Variants in INTS4 observed in about 807,000 individuals in gnomAD.
INTS4 encodes MSTP093.
Under a neutral mutation model 119.5 loss-of-function variants are expected in INTS4, and 70 were observed. That is an observed-to-expected ratio of 0.59 (90% CI 0.48 to 0.71). The LOEUF (loss-of-function observed/expected upper bound fraction) is 0.71, where lower values mean the gene tolerates loss of function less well. Ranked by LOEUF, INTS4 falls within the 30% of genes least tolerant of loss-of-function variation. INTS4 has a pLI of 0.00. For synonymous variants in INTS4, 316 were observed against 419.6 expected (o/e 0.75, Z 3.02); for missense variants, 867 against 1,173.2 (o/e 0.74, Z 3.81).
At chr11:77,989,570 G>GT (rs1194404072) in intron 2 of INTS4, among the ~76,000 whole-genome samples, 1 of 152,114 alleles carries the variant, frequency 6.6e-6, no homozygotes, top group Non-Finnish European at 1.5e-5. Flanking sequence ...GGTCACTATA[G>GT]TATTTTATCT....
Position 77,991,162 on chromosome 11 carries a change from G to T in INTS4, c.192C>A (p.Val64=), listed in dbSNP as rs761790544. The T allele has an allele frequency of 1.9e-6, 3 of 1,613,980 alleles. No homozygotes were observed. The highest frequency in any genetic ancestry group is 2.5e-6 in the Non-Finnish European group (3 of 1,180,030). The change falls in exon 2 of 23, where the codon GTC becomes GTA. Residue 64 remains valine, a synonymous_variant. Transcript: ENST00000534064. ...QYLLQFARKP[V]EAESVEGVVR... is the part of the protein sequence containing the mutation. ...CTACTCCCTCTACGCTTTCCGCCTC[G>T]ACAGGCTTCCTGGCAAACTGGAGCA...
At position 77,949,716 on chromosome 11, in the gene INTS4, A is replaced by G. The variant is rs184332008; in HGVS notation, c.918+6226T>C. Among the ~76,000 whole-genome samples, 562 of 152,324 alleles carry G rather than the reference A, an allele frequency of 3.7e-3. 3 individuals carry two copies. Among genetic ancestry groups the G allele is most frequent in the African/African-American group, 0.013 (533 of 41,566 alleles). ...GGCAATCATTAAAAAGTCAGAAAAC[A>G]ACAGGTGCTGGAGAGGATGTGGAGA... is the stretch of plus-strand genomic sequence containing the variant. On this transcript the variant is annotated intron_variant, in intron 8 of 22. Transcript: ENST00000534064.
chr11:77,928,894 G>A (rs1006088416), intron 10 of INTS4, among the ~76,000 whole-genome samples: 5 of 151,698 alleles, frequency 3.3e-5, no homozygotes, highest in African/African-American at 4.8e-5. Context: ...GGTGGCACAC[G>A]CCTATAGTCC....
chr11:77,973,348 G>A (rs1173572809), intron 4 of INTS4, among the ~76,000 whole-genome samples: 1 of 152,140 alleles, frequency 6.6e-6, no homozygotes, highest in South Asian at 2.1e-4. Context: ...TGTCACCTGT[G>A]AATACGGGGA....
chr11:77,947,319 T>A (rs1340966400), intron 8 of INTS4, among the ~76,000 whole-genome samples: 6 of 152,122 alleles, frequency 3.9e-5, no homozygotes, highest in African/African-American at 1.4e-4. Context: ...AGGTTCACAA[T>A]TACATTCAAC....
Position 77,981,574 on chromosome 11 carries a change from C to G in INTS4, c.249G>C (p.Glu83Asp). The G allele has an allele frequency of 6.6e-7, 1 of 1,526,460 alleles. No homozygotes were observed. The highest frequency in any genetic ancestry group is 8.9e-7 in the Non-Finnish European group (1 of 1,123,736). The allele number at this position is 1,526,460 out of a possible 1,614,324, so 94.6% of individuals were successfully genotyped here. ...VRILLEHYYK[E>D]NDPSVRLKIA... Reference sequence around the variant, plus strand: ...TTTTCAGTCTCACAGATGGATCATTCTCCTGGAAAAAAAGAAGCAATTGTC... The same window carrying G: ...TTTTCAGTCTCACAGATGGATCATTGTCCTGGAAAAAAAGAAGCAATTGTC... Residue 83 changes from glutamate to aspartate, a missense_variant and splice_region_variant, in exon 3 of 23, where the codon GAG becomes GAC. Around this residue, in one of 5 missense-constraint regions of INTS4, gnomAD observed 224 missense variants for 231.8 expected, o/e 0.97. Coordinates refer to ENST00000534064, the MANE Select transcript of INTS4 (RefSeq NM_033547.4).
intron 22 of INTS4, among the ~76,000 whole-genome samples, chr11:77,881,394 A>C (rs1951785965): frequency 6.6e-6 from 1 of 152,182 alleles, no homozygotes; most frequent in African/African-American, 2.4e-5. Context: ...TCCAGGCCCC[A>C]TCACCTAGAT....
chr11:77,882,495 GC>G (rs1951832296), intron 22 of INTS4, among the ~76,000 whole-genome samples: 3 of 152,174 alleles, frequency 2.0e-5, no homozygotes, highest in African/African-American at 7.2e-5. Flanking sequence ...CTGTCCCACA[GC>G]ATTTCCTTCC....
intron 18 of INTS4, among the ~76,000 whole-genome samples, chr11:77,896,156 G>T (rs532017800): frequency 6.6e-6 from 1 of 152,164 alleles, no homozygotes; most frequent in Non-Finnish European, 1.5e-5. Flanking sequence ...GATTTAAAAG[G>T]ATATTACATT....
intron 2 of INTS4, among the ~76,000 whole-genome samples, chr11:77,985,077 A>C (rs1289667316): frequency 6.6e-6 from 1 of 152,050 alleles, no homozygotes; most frequent in Non-Finnish European, 1.5e-5. Context: ...AAACAGAATT[A>C]CCTCCAGGGA....
At chr11:77,900,248 T>C (rs531205441) in intron 18 of INTS4, among the ~76,000 whole-genome samples, 39 of 152,130 alleles carry the variant, frequency 2.6e-4, no homozygotes, top group East Asian at 2.3e-3. Context: ...TACTGGTGCA[T>C]GCCACCATGC....
At chr11:77,927,895 T>A (rs1324504260) in intron 11 of INTS4, among the ~76,000 whole-genome samples, 1 of 152,216 alleles carries the variant, frequency 6.6e-6, no homozygotes, top group Non-Finnish European at 1.5e-5. Context: ...TATCTCTGCA[T>A]CTTTAGACAT....
At chr11:77,981,602 T>C in intron 2 of INTS4, 26 bp from the exon 3 acceptor site, 2 of 1,263,240 alleles carry the variant, frequency 1.6e-6, no homozygotes, top group Non-Finnish European at 2.3e-6. Flanking sequence ...CAATTGTCAC[T>C]TTGATGCTTT....
downstream of INTS4, chr11:77,878,642 A>G: frequency 1.6e-6 from 1 of 625,068 alleles, no homozygotes; most frequent in South Asian, 1.9e-5. Flanking sequence ...ACACCTGAGG[A>G]ATAGCATGTA....
At chr11:77,903,958 C>CTACTGG (rs1952860942) in intron 16 of INTS4, among the ~76,000 whole-genome samples, 1 of 152,206 alleles carries the variant, frequency 6.6e-6, no homozygotes, top group Non-Finnish European at 1.5e-5. Flanking sequence ...GTTCCCAGAG[C>CTACTGG]TACTGGACTA....
At chr11:77,954,119 A>G (rs998104618) in intron 8 of INTS4, among the ~76,000 whole-genome samples, 2 of 152,186 alleles carry the variant, frequency 1.3e-5, no homozygotes, top group Non-Finnish European at 2.9e-5. Context: ...AAAATTTTCA[A>G]TAAATGTGCT....
At chr11:77,882,796 C>T (rs748747462) in intron 22 of INTS4, among the ~76,000 whole-genome samples, 30 of 152,290 alleles carry the variant, frequency 2.0e-4, no homozygotes, top group Non-Finnish European at 3.2e-4. Context: ...AAAGGCCCAG[C>T]GCAGTGGCTC....
chr11:77,878,814 G>C lies in INTS4; in HGVS notation c.*135C>G. ...TGAAGAAACAATTTATCCTGTGTTT[G>C]ATACCAGATGAGACTGTAAGGGTCA... On this transcript the variant is annotated 3_prime_UTR_variant, in exon 23 of 23. Coordinates refer to ENST00000534064, the MANE Select transcript of INTS4 (RefSeq NM_033547.4). 1 of 763,174 alleles carries C rather than the reference G, an allele frequency of 1.3e-6. No individual in the cohort carries two copies. The highest frequency in any genetic ancestry group is 2.4e-6 in the Non-Finnish European group (1 of 422,776). The allele number at this position is 763,174 out of a possible 1,614,324, so 47.3% of individuals were successfully genotyped here. A position where few individuals can be genotyped will look rare whatever the true frequency, so the allele number is the denominator to read the frequency against.
intron 15 of INTS4, among the ~76,000 whole-genome samples, chr11:77,910,233 C>T (rs1355013625): frequency 2.6e-5 from 4 of 151,822 alleles, no homozygotes; most frequent in Non-Finnish European, 2.9e-5. Context: ...GAAAATGTGG[C>T]ATATATACAC....
Sources: allele counts gnomAD v4.1 joint callset (sites outside exome capture counted in the v4.1 genomes callset), GRCh38; gene constraint gnomAD v4.1.1; regional missense constraint gnomAD v4.1.1; transcripts MANE v1.5; gene names NCBI Gene and HGNC (gene_info 2026-07-23, HGNC 2026-07-21).